Variants in MAML1 observed in about 807,000 individuals in gnomAD.
MAML1 encodes the protein mastermind-like protein 1.
In MAML1, 14 loss-of-function variants were observed where a neutral mutation model predicts 77.1. That is an observed-to-expected ratio of 0.18 (90% CI 0.12 to 0.28). The LOEUF (loss-of-function observed/expected upper bound fraction) is 0.28, where lower values mean the gene tolerates loss of function less well. Among genes scored for constraint, MAML1 ranks in the 10% least tolerant of loss-of-function variants. The pLI, the probability that MAML1 is intolerant of heterozygous loss-of-function variation, is 1.00. For synonymous variants in MAML1, 516 were observed against 551.9 expected (o/e 0.93, Z 0.91); for missense variants, 1,217 against 1,327.8 (o/e 0.92, Z 1.30).
Position 179,776,310 on chromosome 5 carries a change from T to C in MAML1, c.*1433T>C, listed in dbSNP as rs996740767. ...CAATGGATCATTCAGGAGTGTCCTATGTGAGAATTGAGCCAAGGAAAATAC... is the reference window on the plus strand; with the variant it reads ...CAATGGATCATTCAGGAGTGTCCTACGTGAGAATTGAGCCAAGGAAAATAC... On this transcript the variant is annotated 3_prime_UTR_variant, in exon 5 of 5. Transcript: ENST00000292599. 1 of 985,862 alleles carries C rather than the reference T, an allele frequency of 1.0e-6. No individual in the cohort carries two copies. Among genetic ancestry groups the C allele is most frequent in the South Asian group, 4.7e-5 (1 of 21,288 alleles). 61.1% of individuals were successfully genotyped at this position (985,862 alleles called of 1,614,324 possible). A position where few individuals can be genotyped will look rare whatever the true frequency, so the allele number is the denominator to read the frequency against.
intron 1 of MAML1, among the ~76,000 whole-genome samples, chr5:179,736,324 C>T (rs752976128): frequency 6.6e-5 from 10 of 151,938 alleles, no homozygotes; most frequent in Non-Finnish European, 1.3e-4. Flanking sequence ...GCCATCTTGG[C>T]TCACTGCAAC....
At chr5:179,734,847 T>A (rs202146138) in intron 1 of MAML1, among the ~76,000 whole-genome samples, 2 of 152,310 alleles carry the variant, frequency 1.3e-5, no homozygotes, top group East Asian at 3.9e-4. Context: ...AAAAGTTTTT[T>A]TTCTGTTAGA....
intron 1 of MAML1, among the ~76,000 whole-genome samples, chr5:179,751,574 G>A (rs376182660): frequency 1.6e-4 from 24 of 152,170 alleles, no homozygotes; most frequent in African/African-American, 2.2e-4. Flanking sequence ...GCATGGTGGC[G>A]CACACCTGTA....
intron 1 of MAML1, among the ~76,000 whole-genome samples, chr5:179,735,542 C>T (rs1779149440): frequency 1.3e-5 from 2 of 152,026 alleles, no homozygotes; most frequent in Non-Finnish European, 2.9e-5. Context: ...TGCTGGCCAC[C>T]ATGCCCAGCT....
chr5:179,749,961 C>A (rs1244805822), intron 1 of MAML1, among the ~76,000 whole-genome samples: 1 of 152,230 alleles, frequency 6.6e-6, no homozygotes, highest in African/African-American at 2.4e-5. Context: ...ACTCCAAGAT[C>A]TTGCTCACGA....
chr5:179,772,109 C>CT (rs1442009363), intron 4 of MAML1, among the ~76,000 whole-genome samples: 1 of 152,138 alleles, frequency 6.6e-6, no homozygotes, highest in African/African-American at 2.4e-5. Flanking sequence ...TCCTCTTTTC[C>CT]TCAACCCAAT....
intron 2 of MAML1, among the ~76,000 whole-genome samples, chr5:179,768,148 A>T (rs1283913563): frequency 6.6e-6 from 1 of 152,200 alleles, no homozygotes; most frequent in Non-Finnish European, 1.5e-5. Context: ...CATTGACCAA[A>T]GCCCCCTTCA....
chr5:179,738,734 T>G (rs1779221535), intron 1 of MAML1, among the ~76,000 whole-genome samples: 1 of 152,180 alleles, frequency 6.6e-6, no homozygotes, highest in Non-Finnish European at 1.5e-5. Flanking sequence ...TACTCTGAAG[T>G]TGCCTCCGTA....
At chr5:179,750,328 T>G (rs1031941092) in intron 1 of MAML1, among the ~76,000 whole-genome samples, 2 of 152,134 alleles carry the variant, frequency 1.3e-5, no homozygotes, top group Non-Finnish European at 2.9e-5. Flanking sequence ...CAACTCTCTC[T>G]TTGAGTGATT....
intron 1 of MAML1, among the ~76,000 whole-genome samples, chr5:179,756,702 C>T (rs750613551): frequency 1.4e-4 from 22 of 151,878 alleles, no homozygotes; most frequent in Non-Finnish European, 1.9e-4. Flanking sequence ...GTGTTAGATC[C>T]GAGAGAGAAT....
intron 1 of MAML1, among the ~76,000 whole-genome samples, chr5:179,745,195 G>A (rs1040690942): frequency 2.6e-5 from 4 of 151,974 alleles, no homozygotes; most frequent in South Asian, 4.2e-4. Flanking sequence ...GTGAGCCACC[G>A]TGCCCGGCCG....
chr5:179,736,920 C>G (rs554042861), intron 1 of MAML1, among the ~76,000 whole-genome samples: 23 of 151,124 alleles, frequency 1.5e-4, no homozygotes, highest in Admixed American at 1.5e-3. Flanking sequence ...GAGATCGTAC[C>G]ACTGCACTCC....
At chr5:179,751,562 G>A (rs1238229128) in intron 1 of MAML1, among the ~76,000 whole-genome samples, 1 of 152,034 alleles carries the variant, frequency 6.6e-6, no homozygotes, top group Non-Finnish European at 1.5e-5. Flanking sequence ...AAAATTAGCC[G>A]GGCATGGTGG....
chr5:179,740,968 T>C (rs1282200179), intron 1 of MAML1, among the ~76,000 whole-genome samples: 1 of 152,238 alleles, frequency 6.6e-6, no homozygotes, highest in African/African-American at 2.4e-5. Context: ...TCACCTGTAA[T>C]AATACTCTTC....
chr5:179,739,790 A>G (rs1438908140), intron 1 of MAML1, among the ~76,000 whole-genome samples: 1 of 152,238 alleles, frequency 6.6e-6, no homozygotes, highest in East Asian at 1.9e-4. Context: ...GAAGATGTGT[A>G]TATATTATTG....
chr5:179,733,368 G>A lies in MAML1; in HGVS notation c.256G>A (p.Ala86Thr). The change falls in exon 1 of 5, where the codon GCC becomes ACC. Residue 86 changes from alanine (A) to threonine (T), a missense_variant. By Grantham distance (58) the Ala-to-Thr change is moderately conservative (BLOSUM62 0). This residue lies in a region of MAML1 where 312 missense variants were observed against 331.4 expected (regional missense o/e 0.94). Coordinates refer to ENST00000292599, the MANE Select transcript of MAML1 (RefSeq NM_014757.5). ...GCCCGCCGCCACGGCCCCGGCGCCCGCCGCCCCGGCCCCGCGCCTGGACGC... is the reference window on the plus strand; with the variant it reads ...GCCCGCCGCCACGGCCCCGGCGCCCACCGCCCCGGCCCCGCGCCTGGACGC... ...QPPAATAPAPAAPAPRLDAAD... is the reference protein window; with the variant it reads ...QPPAATAPAPTAPAPRLDAAD... 2.4e-6 allele frequency: 3 copies of A among 1,227,642 alleles called. No homozygotes were observed. Among genetic ancestry groups the A allele is most frequent in the South Asian group, 3.0e-5 (1 of 33,408 alleles). The allele number at this position is 1,227,642 out of a possible 1,614,324, so 76.0% of individuals were successfully genotyped here.
rs1456491713 is a variant in MAML1, at chr5:179,774,378, C to T, written c.2552C>T (p.Thr851Ile). The T allele has an allele frequency of 5.6e-6, 9 of 1,613,088 alleles. No individual in the cohort carries two copies. The highest frequency in any genetic ancestry group is 7.6e-6 in the Non-Finnish European group (9 of 1,180,044). The change falls in exon 5 of 5, where the codon ACC becomes ATC. Residue 851 changes from threonine to isoleucine, a missense_variant. Coordinates refer to ENST00000292599, the MANE Select transcript of MAML1 (RefSeq NM_014757.5). ...GGAATGCCGAACCTCAGTGGCCAGA[C>T]CCCAGGGAACAGCAACGTGAGTCCC... ...HQGMPNLSGQTPGNSNVSPFT... is the reference protein window; with the variant it reads ...HQGMPNLSGQIPGNSNVSPFT...
Position 179,766,861 on chromosome 5 carries a change from C to T in MAML1, c.1731+120C>T. ...GGGAAGAGGGAGGAGGGAATAGCTG[C>T]TGTCATCCTTGCTCCTCTTGGGAGT... is the stretch of plus-strand genomic sequence containing the variant. On this transcript the variant is annotated intron_variant, in intron 2 of 4. Coordinates refer to ENST00000292599, the MANE Select transcript of MAML1 (RefSeq NM_014757.5). This position sits in a 1 kb window ranked among gnomAD's most constrained non-coding sequence, Gnocchi z 4.0. 1 of 745,086 alleles carries T rather than the reference C, an allele frequency of 1.3e-6. No individual in the cohort carries two copies. Among genetic ancestry groups the T allele is most frequent in the Non-Finnish European group, 2.1e-6 (1 of 486,734 alleles). 46.2% of individuals were successfully genotyped at this position (745,086 alleles called of 1,614,324 possible). A position where few individuals can be genotyped will look rare whatever the true frequency, so the allele number is the denominator to read the frequency against.
At position 179,769,745 on chromosome 5, in the gene MAML1, G is replaced by T. The variant is rs766627951; in HGVS notation, c.1971+656G>T. On this transcript the variant is annotated intron_variant, in intron 3 of 4. Transcript: ENST00000292599. The surrounding 1 kb of genome is among the most constrained non-coding windows in gnomAD (Gnocchi z 4.2). ...TTTTTGTGTTTTTAGTAGAGATGGG[G>T]TTTCACCACGTTGGCCAGGCTGGTC... Among the ~76,000 whole-genome samples, 37 of 151,984 alleles carry T rather than the reference G, an allele frequency of 2.4e-4. No individual in the cohort carries two copies. The highest frequency in any genetic ancestry group is 4.6e-4 in the Non-Finnish European group (31 of 67,988).
Sources: allele counts gnomAD v4.1 joint callset (sites outside exome capture counted in the v4.1 genomes callset), GRCh38; gene constraint gnomAD v4.1.1; regional missense constraint gnomAD v4.1.1; non-coding constraint Gnocchi (gnomAD v3.1); transcripts MANE v1.5; gene names NCBI Gene and HGNC (gene_info 2026-07-23, HGNC 2026-07-21).